Variants in DDX46 observed in about 807,000 individuals in gnomAD.
DDX46 encodes the protein DEAD-box helicase 46.
In DDX46, 30 loss-of-function variants were observed where a neutral mutation model predicts 134.9. That is an observed-to-expected ratio of 0.22 (90% CI 0.17 to 0.30). DDX46 has a LOEUF of 0.30. DDX46 is among the 10% of genes least tolerant of loss of function. DDX46 has a pLI of 1.00. For missense variants in DDX46, 622 were observed against 1,248.7 expected, an observed-to-expected ratio of 0.50 and a Z score of 7.56; for synonymous variants, 415 against 404.1, an observed-to-expected ratio of 1.03 and a Z score of -0.32.
intron 6 of DDX46, among the ~76,000 whole-genome samples, chr5:134,779,133 G>A (rs892778569): frequency 1.1e-4 from 17 of 151,364 alleles, no homozygotes; most frequent in Non-Finnish European, 2.2e-4. Flanking sequence ...CTGACCTCAG[G>A]TGATCCACCT....
rs1157461509 is a variant in DDX46, at chr5:134,760,731, G to GT, written c.17+1781dup. Among the ~76,000 whole-genome samples, 16 of 151,832 alleles carry GT rather than the reference G, an allele frequency of 1.1e-4. No individual in the cohort carries two copies. In the East Asian group the frequency reaches 3.1e-3, roughly 29 times the overall value. ...ATTGGTATTACTTGGTTGTTTTTTTGTTTTTGTTTTTGTTTTTGAGACAGA... is the reference window on the plus strand; with the variant it reads ...ATTGGTATTACTTGGTTGTTTTTTTGTTTTTTGTTTTTGTTTTTGAGACAGA... On this transcript the variant is annotated intron_variant, in intron 1 of 22. Transcript: ENST00000452510.
intron 16 of DDX46, 77 bp from the exon 17 acceptor site, chr5:134,811,144 A>T (rs912708417): frequency 6.6e-5 from 85 of 1,290,738 alleles, no homozygotes; most frequent in Non-Finnish European, 5.9e-5. Flanking sequence ...TATTAGGTGG[A>T]TCAGATTTTA....
chr5:134,804,721 G>A (rs1200144294), intron 15 of DDX46: 6 of 231,284 alleles, frequency 2.6e-5, no homozygotes, highest in East Asian at 1.1e-4. Context: ...TTATTTTAAC[G>A]TGTCATTGCT....
chr5:134,773,637 T>A, intron 4 of DDX46, 59 bp from the exon 5 acceptor site: 1 of 1,502,970 alleles, frequency 6.7e-7, no homozygotes, highest in Non-Finnish European at 8.9e-7. Context: ...AGCAAAATTA[T>A]TAAATTTGGT....
chr5:134,827,282 T>TG (rs1755616080), intron 22 of DDX46, among the ~76,000 whole-genome samples: 1 of 151,454 alleles, frequency 6.6e-6, no homozygotes, highest in Non-Finnish European at 1.5e-5. Context: ...TTCTTTTCTT[T>TG]TTTTTTTTTG....
At chr5:134,762,333 G>T (rs985266249) in intron 1 of DDX46, among the ~76,000 whole-genome samples, 1 of 151,958 alleles carries the variant, frequency 6.6e-6, no homozygotes, top group Non-Finnish European at 1.5e-5. Flanking sequence ...TGGAAGGATT[G>T]CTGGGGCCCA....
chr5:134,828,594 G>GTTTTTTTTTTTTTTT, intron 22 of DDX46, 65 bp from the exon 23 acceptor site: 1 of 805,048 alleles, frequency 1.2e-6, no homozygotes. Flanking sequence ...TGGTTGGTTC[G>GTTTTTTTTTTTTTTT]TTTTTTTTTT....
At chr5:134,762,982 C>T (rs1753439933) in intron 1 of DDX46, among the ~76,000 whole-genome samples, 1 of 151,904 alleles carries the variant, frequency 6.6e-6, no homozygotes, top group Non-Finnish European at 1.5e-5. Context: ...TGGTGTGAAC[C>T]CGGGAGGTGG....
At chr5:134,768,264 C>A (rs898796766) in intron 3 of DDX46, among the ~76,000 whole-genome samples, 4 of 151,866 alleles carry the variant, frequency 2.6e-5, no homozygotes, top group Non-Finnish European at 4.4e-5. Flanking sequence ...TGTGTGCCAA[C>A]ATGCCCAGCT....
At chr5:134,822,731 A>G (rs556523095) in intron 21 of DDX46, among the ~76,000 whole-genome samples, 1 of 152,126 alleles carries the variant, frequency 6.6e-6, no homozygotes, top group African/African-American at 2.4e-5. Context: ...GTATGCCACT[A>G]TGTCCAGCTA....
intron 1 of DDX46, 97 bp downstream of exon 1, chr5:134,759,052 G>GGCCCCACGTGCGGTCAGCGCT (rs1414491438): frequency 1.8e-5 from 28 of 1,545,486 alleles, no homozygotes; most frequent in Admixed American, 5.5e-5. Context: ...GGCCTGGCGC[G>GGCCCCACGTGCGGTCAGCGCT]GCCCCACGTG....
chr5:134,789,133 G>T (rs1754430072), intron 12 of DDX46: 1 of 152,110 alleles, frequency 6.6e-6, no homozygotes, highest in African/African-American at 2.4e-5. Context: ...CATGTTTGTA[G>T]CTCAAATGTT....
intron 3 of DDX46, among the ~76,000 whole-genome samples, chr5:134,768,509 C>A (rs1753654023): frequency 6.6e-6 from 1 of 151,342 alleles, no homozygotes; most frequent in Non-Finnish European, 1.5e-5. Flanking sequence ...AAGCAAAGAC[C>A]AAATTAGATG....
chr5:134,805,067 C>T, intron 15 of DDX46: 1 of 324,320 alleles, frequency 3.1e-6, no homozygotes, highest in Non-Finnish European at 6.1e-6. Flanking sequence ...TTCCAGACAA[C>T]CTAGTTTTGT....
chr5:134,792,494 TAA>T (rs1435625992), intron 13 of DDX46, among the ~76,000 whole-genome samples: 2 of 152,098 alleles, frequency 1.3e-5, no homozygotes, highest in Non-Finnish European at 2.9e-5. Context: ...GGTAAGAGAG[TAA>T]AGAGAATTGA....
At chr5:134,777,053 A>C (rs1580782650) in intron 5 of DDX46, among the ~76,000 whole-genome samples, 1 of 152,230 alleles carries the variant, frequency 6.6e-6, no homozygotes, top group Admixed American at 6.5e-5. Flanking sequence ...TTTACTAAAA[A>C]TAAAAAAAAT....
chr5:134,771,473 A>G (rs1753766967), intron 4 of DDX46, among the ~76,000 whole-genome samples: 1 of 145,448 alleles, frequency 6.9e-6, no homozygotes, highest in South Asian at 2.2e-4. Flanking sequence ...CGGGTGGATC[A>G]TGAGGTCAGG....
intron 2 of DDX46, among the ~76,000 whole-genome samples, chr5:134,765,899 TAAGTG>T (rs1299268526): frequency 6.6e-6 from 1 of 152,220 alleles, no homozygotes; most frequent in Non-Finnish European, 1.5e-5. Context: ...TTCAAGTACT[TAAGTG>T]AAAATGGTTA....
chr5:134,780,098 ATGTGTGTGTGTGTGTGTGTGTGTGTG>A (rs71583216), intron 6 of DDX46, among the ~76,000 whole-genome samples: 22 of 139,506 alleles, frequency 1.6e-4, no homozygotes, highest in Admixed American at 6.6e-4. Context: ...AAAAAAATAT[ATGTGTGTGTGTGTGTGTGTGTGTGTG>A]TGTGTGTGTG....
Sources: allele counts gnomAD v4.1 joint callset (sites outside exome capture counted in the v4.1 genomes callset), GRCh38; gene constraint gnomAD v4.1.1; transcripts MANE v1.5; gene names NCBI Gene and HGNC (gene_info 2026-07-23, HGNC 2026-07-21).